The following QNG1 variants were observed in gnomAD, a reference collection of about 807,000 sequenced individuals.
The protein encoded by QNG1 is Q-nucleotide N-glycosylase 1.
the QNG1 span, among the ~76,000 whole-genome samples, chr9:83,953,136 C>A: frequency 6.6e-6 from 1 of 151,486 alleles, no homozygotes; most frequent in African/African-American, 2.4e-5. Context: ...GGCATGGTGG[C>A]GGATGCCTGT....
At chr9:83,948,511 G>GA in the QNG1 span, among the ~76,000 whole-genome samples, 4 of 147,340 alleles carry the variant, frequency 2.7e-5, no homozygotes, top group East Asian at 2.1e-4. Flanking sequence ...CCCTGTCCGG[G>GA]AGGGGGGGGG....
the QNG1 span, among the ~76,000 whole-genome samples, chr9:83,943,297 G>A: frequency 0.026 from 3,384 of 128,996 alleles, 144 homozygotes; most frequent in African/African-American, 0.095. Context: ...CCGAGATCAC[G>A]CCACCACACT....
chr9:83,943,169 G>A, the QNG1 span, among the ~76,000 whole-genome samples: 2,432 of 151,778 alleles, frequency 0.016, 80 homozygotes, highest in African/African-American at 0.057. Flanking sequence ...GTGAAACCCC[G>A]TCTCTACTCA....
At chr9:83,953,713 G>C in the QNG1 span, 6 of 942,972 alleles carry the variant, frequency 6.4e-6, no homozygotes, top group African/African-American at 1.0e-4. Flanking sequence ...GCTGGAGTGC[G>C]GTGGCGTAAT....
At chr9:83,947,724 G>A in the QNG1 span, among the ~76,000 whole-genome samples, 2 of 152,194 alleles carry the variant, frequency 1.3e-5, no homozygotes, top group Non-Finnish European at 2.9e-5. Flanking sequence ...CGTGTTGGCC[G>A]GGCTGGTCTC....
the QNG1 span, among the ~76,000 whole-genome samples, chr9:83,954,974 G>A: frequency 6.7e-6 from 1 of 149,050 alleles, no homozygotes; most frequent in African/African-American, 2.5e-5. Context: ...GAGGCGACCA[G>A]ATTACCTGAG....
the QNG1 span, among the ~76,000 whole-genome samples, chr9:83,948,092 C>G: frequency 6.6e-6 from 1 of 151,514 alleles, no homozygotes. Flanking sequence ...GGCTGCCCAT[C>G]GTCTGAGATG....
the QNG1 span, chr9:83,955,399 T>C: frequency 1.4e-5 from 23 of 1,613,790 alleles, no homozygotes; most frequent in Non-Finnish European, 1.9e-5. Flanking sequence ...GAGTCACATC[T>C]CTGTAAGAAG....
At chr9:83,949,073 C>A in the QNG1 span, among the ~76,000 whole-genome samples, 1 of 150,434 alleles carries the variant, frequency 6.6e-6, no homozygotes, top group East Asian at 1.9e-4. Context: ...CCAAGACACA[C>A]CCAAGAATGA....
chr9:83,950,855 C>T, the QNG1 span, among the ~76,000 whole-genome samples: 1 of 152,024 alleles, frequency 6.6e-6, no homozygotes, highest in Non-Finnish European at 1.5e-5. Flanking sequence ...CCCACCTTGG[C>T]CTCCCAAGGT....
the QNG1 span, among the ~76,000 whole-genome samples, chr9:83,940,834 A>G: frequency 2.0e-5 from 3 of 152,194 alleles, no homozygotes; most frequent in Admixed American, 6.5e-5. Flanking sequence ...GACCTTAAGT[A>G]GTGTTACTTA....
chr9:83,938,741 TG>T, the QNG1 span: 1 of 138,738 alleles, frequency 7.2e-6, no homozygotes, highest in African/African-American at 2.9e-5. Flanking sequence ...TACATAGCGA[TG>T]TCAGGAATTT....
the QNG1 span, among the ~76,000 whole-genome samples, chr9:83,947,711 C>T: frequency 5.4e-4 from 83 of 152,328 alleles, no homozygotes; most frequent in African/African-American, 1.9e-3. Flanking sequence ...GATGGGGTTT[C>T]GCCGTGTTGG....
the QNG1 span, among the ~76,000 whole-genome samples, chr9:83,948,569 C>T: frequency 6.6e-6 from 1 of 152,222 alleles, no homozygotes; most frequent in South Asian, 2.1e-4. Flanking sequence ...CCCTTCTGCC[C>T]GGCCGCCACC....
At chr9:83,938,756 T>G in the QNG1 span, 1 of 152,050 alleles carries the variant, frequency 6.6e-6, no homozygotes, top group Admixed American at 6.6e-5. Context: ...GGAATTTTTT[T>G]TTTTTGAGAC....
At chr9:83,956,711 C>T in the QNG1 span, 15 of 436,516 alleles carry the variant, frequency 3.4e-5, no homozygotes, top group Non-Finnish European at 5.2e-5. Flanking sequence ...GACCCCGGGG[C>T]AGCTCGCTGG....
At chr9:83,953,801 C>T in the QNG1 span, 1 of 1,549,122 alleles carries the variant, frequency 6.5e-7, no homozygotes, top group Non-Finnish European at 8.7e-7. Context: ...CCGGGTGCAG[C>T]CTGTGAGGGT....
the QNG1 span, among the ~76,000 whole-genome samples, chr9:83,951,212 G>C: frequency 1.3e-5 from 2 of 152,180 alleles, no homozygotes; most frequent in Non-Finnish European, 2.9e-5. Context: ...GGAGGTTGCA[G>C]TGAACTGAGA....
At chr9:83,941,927 G>A in the QNG1 span, among the ~76,000 whole-genome samples, 1 of 151,998 alleles carries the variant, frequency 6.6e-6, no homozygotes, top group Non-Finnish European at 1.5e-5. Context: ...AAGAAGAAAA[G>A]AGGATACAAA....
Sources: gnomAD v4.1 joint callset for allele counts (sites outside exome capture counted in the v4.1 genomes callset) on GRCh38, gnomAD v4.1.1 for gene constraint, MANE v1.5 for transcripts, NCBI Gene and HGNC (gene_info 2026-07-23, HGNC 2026-07-21) for gene names.